PHC2: variants seen among roughly 807,000 people sequenced by gnomAD.
PHC2 encodes the protein polyhomeotic-like protein 2.
A neutral mutation model predicts 87.4 loss-of-function variants in PHC2; 29 were observed. The ratio of observed to expected loss-of-function variants is 0.33; its 90% CI spans 0.25 to 0.45. The LOEUF is 0.45. Among genes scored for constraint, PHC2 ranks in the 20% least tolerant of loss-of-function variants. The probability of loss-of-function intolerance (pLI) is 1.00; values close to 1 mark genes in which losing one functional copy is unlikely to be tolerated. For synonymous variants in PHC2, 438 were observed against 461.7 expected (o/e 0.95, Z 0.66); for missense variants, 857 against 1,136.7 (o/e 0.75, Z 3.54).
intron 1 of PHC2, among the ~76,000 whole-genome samples, chr1:33,424,528 G>A (rs1650590661): frequency 6.6e-6 from 1 of 152,166 alleles, no homozygotes; most frequent in Admixed American, 6.5e-5. Flanking sequence ...AATTTGCATT[G>A]ATTTGCTGAA....
chr1:33,375,007 T>TG (rs1467644805), intron 2 of PHC2, among the ~76,000 whole-genome samples: 1 of 152,196 alleles, frequency 6.6e-6, no homozygotes, highest in Non-Finnish European at 1.5e-5. Context: ...AAGGATTATT[T>TG]GGGGGTTCTC....
chr1:33,339,438 A>G (rs1009963797), intron 9 of PHC2, among the ~76,000 whole-genome samples: 1 of 152,162 alleles, frequency 6.6e-6, no homozygotes, highest in African/African-American at 2.4e-5. Flanking sequence ...ATTATGAAGA[A>G]TAAGAGCTAT....
intron 3 of PHC2, 75 bp from the exon 4 acceptor site, chr1:33,371,169 G>A: frequency 7.9e-7 from 1 of 1,259,828 alleles, no homozygotes; most frequent in Non-Finnish European, 1.2e-6. Context: ...TCATCCACAG[G>A]AGGTGCTGCA....
intron 9 of PHC2, chr1:33,345,946 T>C (rs1343639603): frequency 2.0e-6 from 2 of 984,558 alleles, no homozygotes; most frequent in African/African-American, 1.7e-5. Context: ...TGTGAATAAG[T>C]AGTTATCTTA....
intron 9 of PHC2, among the ~76,000 whole-genome samples, chr1:33,344,553 C>G (rs981564200): frequency 1.3e-5 from 2 of 152,186 alleles, no homozygotes; most frequent in African/African-American, 4.8e-5. Flanking sequence ...ACTGATAGAA[C>G]AGATTAATAC....
intron 1 of PHC2, among the ~76,000 whole-genome samples, chr1:33,393,947 GA>G (rs2148366116): frequency 6.6e-6 from 1 of 152,316 alleles, no homozygotes; most frequent in East Asian, 1.9e-4. Flanking sequence ...CTCACATCCA[GA>G]GCCATATTAT....
Position 33,354,573 on chromosome 1 carries a change from A to C in PHC2, c.1393-7T>G, listed in dbSNP as rs1332167514. On this transcript the variant is annotated splice_region_variant and splice_polypyrimidine_tract_variant and intron_variant, in intron 8 of 14. Transcript: ENST00000683057. ...CAGGGACACACTGCTGGGGCTGTCA[A>C]AGGACAGGACAGAGAGGGGGGCCTC... 6.2e-7 allele frequency: 1 copy of C among 1,611,744 alleles called. No homozygotes were observed. Among genetic ancestry groups the C allele is most frequent in the Non-Finnish European group, 8.5e-7 (1 of 1,178,822 alleles).
rs1306705727 is a variant in PHC2, at chr1:33,328,898, G to A, written c.2397C>T (p.Asp799=). 9.9e-6 allele frequency: 16 copies of A among 1,612,482 alleles called. No homozygotes were observed. The highest frequency in any genetic ancestry group is 1.7e-5 in the Admixed American group (1 of 59,986). Residue 799 remains aspartate, a synonymous_variant, in exon 14 of 15, where the codon GAC becomes GAT. Transcript: ENST00000683057. Reference sequence around the variant, plus strand: ...GCAGAGAGCGGATGAATTCGTAGACGTCTTCTACATTCCACTTGGTGGGCT... The same window carrying A: ...GCAGAGAGCGGATGAATTCGTAGACATCTTCTACATTCCACTTGGTGGGCT... ...PSEPTKWNVE[D]VYEFIRSLPG...
chr1:33,390,349 A>G (rs899130000), intron 1 of PHC2, among the ~76,000 whole-genome samples: 2 of 152,226 alleles, frequency 1.3e-5, no homozygotes, highest in Admixed American at 1.3e-4. Flanking sequence ...GCAGCTCCCA[A>G]CTGCTTTTCA....
chr1:33,325,576 T>C (rs1031253906), intron 14 of PHC2: 3 of 264,586 alleles, frequency 1.1e-5, no homozygotes, highest in Admixed American at 4.7e-5. Flanking sequence ...CTCAAACTCA[T>C]ACACTGGGTC....
intron 1 of PHC2, among the ~76,000 whole-genome samples, chr1:33,419,467 T>C (rs1650340819): frequency 1.3e-5 from 2 of 152,220 alleles, no homozygotes; most frequent in African/African-American, 2.4e-5. Context: ...ATCCACTCTT[T>C]GCCTCTGTGT....
chr1:33,423,021 C>T (rs745981401), intron 1 of PHC2, among the ~76,000 whole-genome samples: 54 of 151,838 alleles, frequency 3.6e-4, no homozygotes, highest in Non-Finnish European at 6.0e-4. Flanking sequence ...CCCACTATAC[C>T]CAAGAAGACT....
At chr1:33,418,654 A>G (rs1650304017) in intron 1 of PHC2, among the ~76,000 whole-genome samples, 1 of 152,182 alleles carries the variant, frequency 6.6e-6, no homozygotes, top group Non-Finnish European at 1.5e-5. Flanking sequence ...GGTGAATTCC[A>G]TTAAATATTC....
At chr1:33,376,401 T>A (rs576921179) in intron 1 of PHC2, among the ~76,000 whole-genome samples, 2 of 152,204 alleles carry the variant, frequency 1.3e-5, no homozygotes, top group Non-Finnish European at 2.9e-5. Flanking sequence ...GTTCACTAGG[T>A]GAGATTTGAG....
chr1:33,429,371 C>T (rs1028191809), intron 1 of PHC2, among the ~76,000 whole-genome samples: 1 of 152,166 alleles, frequency 6.6e-6, no homozygotes, highest in Non-Finnish European at 1.5e-5. Flanking sequence ...GAAAAAAAGC[C>T]ATAGTTACAA....
rs1648556652 is a variant in PHC2 at position 33,382,887 on chromosome 1, A to G, written c.-54-7294T>C. ...TTCCGGGAAAGCAGAGGGGAAGGAT[A>G]CTGAAAACCTCTCTCCAAATCTAGC... On this transcript the variant is annotated intron_variant, in intron 1 of 14. Coordinates refer to ENST00000683057, the MANE Select transcript of PHC2 (RefSeq NM_001385109.1). The surrounding 1 kb of genome is among the most constrained non-coding windows in gnomAD (Gnocchi z 4.3). Among the ~76,000 whole-genome samples the G allele has an allele frequency of 6.6e-6, 1 of 152,198 alleles. No individual in the cohort carries two copies. The highest frequency in any genetic ancestry group is 2.1e-4 in the South Asian group (1 of 4,830).
intron 1 of PHC2, among the ~76,000 whole-genome samples, chr1:33,395,788 T>A (rs955113070): frequency 1.3e-5 from 2 of 152,190 alleles, no homozygotes; most frequent in Non-Finnish European, 2.9e-5. Context: ...CAAATTTCAA[T>A]TATCTTAGTT....
At chr1:33,412,946 G>T (rs868122700) in intron 1 of PHC2, among the ~76,000 whole-genome samples, 1 of 150,256 alleles carries the variant, frequency 6.7e-6, no homozygotes, top group Middle Eastern at 3.4e-3. Flanking sequence ...ATATGGACTT[G>T]TTTTTTTTTT....
intron 1 of PHC2, among the ~76,000 whole-genome samples, chr1:33,428,502 G>C (rs1650773528): frequency 6.6e-6 from 1 of 152,168 alleles, no homozygotes; most frequent in Non-Finnish European, 1.5e-5. Flanking sequence ...TCTAAGCAAA[G>C]CAAAAAGGCC....
Sources: gnomAD v4.1 joint callset for allele counts (sites outside exome capture counted in the v4.1 genomes callset) on GRCh38, gnomAD v4.1.1 for gene constraint, Gnocchi (gnomAD v3.1) non-coding constraint, MANE v1.5 for transcripts, NCBI Gene and HGNC (gene_info 2026-07-23, HGNC 2026-07-21) for gene names.